Variants in NKAIN1 observed in about 807,000 individuals in gnomAD.
The protein encoded by NKAIN1 is sodium/potassium-transporting ATPase subunit beta-1-interacting protein 1.
Under a neutral mutation model 31.6 loss-of-function variants are expected in NKAIN1, and 13 were observed. The ratio of observed to expected loss-of-function variants is 0.41; its 90% CI spans 0.27 to 0.65. The LOEUF (loss-of-function observed/expected upper bound fraction) is 0.65. Among genes scored for constraint, NKAIN1 ranks in the 30% least tolerant of loss-of-function variants. The pLI, the probability that NKAIN1 is intolerant of heterozygous loss-of-function variation, is 0.30. For synonymous variants in NKAIN1, 104 were observed against 109.0 expected, an observed-to-expected ratio of 0.95 and a Z score of 0.28; for missense variants, 193 against 262.2, an observed-to-expected ratio of 0.74 and a Z score of 1.82.
rs180787751 is a variant in NKAIN1 at position 31,231,085 on chromosome 1, C to T, written c.54+8409G>A. 9.2e-3 allele frequency among the ~76,000 whole-genome samples: 1,404 copies of T among 151,798 alleles called. 9 individuals carry two copies. The highest frequency in any genetic ancestry group is 0.017 in the Non-Finnish European group (1,136 of 67,904). Reference sequence around the variant, plus strand: ...TTTTAGTACAAATGGGGTTTCACCACGTTGGCCAGGCTGGTCTCAAACTCC... The same window carrying T: ...TTTTAGTACAAATGGGGTTTCACCATGTTGGCCAGGCTGGTCTCAAACTCC... On this transcript the variant is annotated intron_variant, in intron 1 of 6. Coordinates refer to ENST00000373736, the MANE Select transcript of NKAIN1 (RefSeq NM_024522.3).
intron 2 of NKAIN1, among the ~76,000 whole-genome samples, chr1:31,186,467 G>A (rs1645245505): frequency 6.8e-6 from 1 of 147,520 alleles, no homozygotes; most frequent in Non-Finnish European, 1.5e-5. Context: ...TGGATGCTGG[G>A]AACTTTAGAC....
chr1:31,187,410 G>A (rs1266479758), intron 2 of NKAIN1, among the ~76,000 whole-genome samples: 1 of 152,102 alleles, frequency 6.6e-6, no homozygotes, highest in Non-Finnish European at 1.5e-5. Flanking sequence ...CCAGACTCCT[G>A]GGGCTGGAGT....
At chr1:31,221,038 G>A (rs1645560705) in intron 1 of NKAIN1, among the ~76,000 whole-genome samples, 2 of 152,200 alleles carry the variant, frequency 1.3e-5, no homozygotes, top group African/African-American at 4.8e-5. Flanking sequence ...CAGGGGACAA[G>A]TTGTCAGGGC....
intron 1 of NKAIN1, among the ~76,000 whole-genome samples, chr1:31,195,526 C>G (rs1570456199): frequency 6.6e-6 from 1 of 152,136 alleles, no homozygotes; most frequent in Admixed American, 6.5e-5. Flanking sequence ...CAGGAGCCCA[C>G]ACCATCCACA....
intron 1 of NKAIN1, among the ~76,000 whole-genome samples, chr1:31,199,422 C>T (rs1406768406): frequency 6.6e-6 from 1 of 152,188 alleles, no homozygotes; most frequent in East Asian, 1.9e-4. Flanking sequence ...ACCTCAGACC[C>T]CCCTTTTCCC....
chr1:31,226,124 C>A (rs927253577), intron 1 of NKAIN1, among the ~76,000 whole-genome samples: 12 of 152,222 alleles, frequency 7.9e-5, no homozygotes. Context: ...TGCCAACAAC[C>A]CTGCAAGGAA....
chr1:31,185,136 A>G (rs1645232760), intron 3 of NKAIN1, 111 bp downstream of exon 3: 1 of 812,312 alleles, frequency 1.2e-6, no homozygotes, highest in African/African-American at 1.7e-5. Context: ...ATGTAAGGAG[A>G]GAGAGACTTC....
Position 31,216,704 on chromosome 1 carries a change from T to C in NKAIN1, c.54+22790A>G, listed in dbSNP as rs6660281. 5.3e-4 allele frequency among the ~76,000 whole-genome samples: 23 copies of C among 43,250 alleles called. No homozygotes were observed. In the East Asian group the frequency reaches 0.01, roughly 19 times the overall value. The allele number at this position is 43,250 out of a possible 152,430, so 28.4% of individuals were successfully genotyped here. A position where few individuals can be genotyped will look rare whatever the true frequency, so the allele number is the denominator to read the frequency against. On this transcript the variant is annotated intron_variant, in intron 1 of 6. Coordinates refer to ENST00000373736, the MANE Select transcript of NKAIN1 (RefSeq NM_024522.3). ...GTGGCATTGACTTTTATTTATTTATTTATTTATTTATTTATTTATTTATTT... is the reference window on the plus strand; with the variant it reads ...GTGGCATTGACTTTTATTTATTTATCTATTTATTTATTTATTTATTTATTT...
intron 1 of NKAIN1, among the ~76,000 whole-genome samples, chr1:31,210,160 A>T (rs1335979479): frequency 6.6e-6 from 1 of 152,058 alleles, no homozygotes; most frequent in African/African-American, 2.4e-5. Context: ...TTAGTAATGC[A>T]TCTCTTAGGG....
At chr1:31,195,082 TC>T (rs1645314778) in intron 1 of NKAIN1, among the ~76,000 whole-genome samples, 1 of 146,408 alleles carries the variant, frequency 6.8e-6, no homozygotes, top group Non-Finnish European at 1.5e-5. Flanking sequence ...TTTCTTTTTT[TC>T]TTTCTTCTCT....
intron 1 of NKAIN1, among the ~76,000 whole-genome samples, chr1:31,235,133 C>T (rs1380891583): frequency 1.3e-5 from 2 of 152,080 alleles, no homozygotes; most frequent in Non-Finnish European, 2.9e-5. Flanking sequence ...CACAGGACTC[C>T]TGAAATGGGA....
intron 2 of NKAIN1, among the ~76,000 whole-genome samples, chr1:31,185,803 T>C (rs1415996040): frequency 6.6e-6 from 1 of 152,130 alleles, no homozygotes; most frequent in African/African-American, 2.4e-5. Flanking sequence ...CCCTAGGAGA[T>C]TGTGACTCAG....
chr1:31,218,051 T>TCTTTCTTTCTTC (rs1645529484), intron 1 of NKAIN1, among the ~76,000 whole-genome samples: 1 of 141,842 alleles, frequency 7.1e-6, no homozygotes, highest in Non-Finnish European at 1.5e-5. Context: ...TTTCTTTCTT[T>TCTTTCTTTCTTC]CTTTCTTTCT....
At chr1:31,199,135 G>C (rs1645356026) in intron 1 of NKAIN1, among the ~76,000 whole-genome samples, 1 of 152,230 alleles carries the variant, frequency 6.6e-6, no homozygotes, top group South Asian at 2.1e-4. Context: ...AGTTTCTGGA[G>C]AAAGCTTTGG....
chr1:31,204,576 AG>A (rs1645409227), intron 1 of NKAIN1, among the ~76,000 whole-genome samples: 1 of 152,176 alleles, frequency 6.6e-6, no homozygotes, highest in Non-Finnish European at 1.5e-5. Flanking sequence ...CACTTAAGAC[AG>A]GGGTGAAGGG....
At chr1:31,206,258 T>TAAATAAATAAATAAATAAATAAATAAATA (rs1645423243) in intron 1 of NKAIN1, among the ~76,000 whole-genome samples, 1 of 29,100 alleles carries the variant, frequency 3.4e-5, no homozygotes, top group South Asian at 9.1e-4. Flanking sequence ...ATAAATAAAA[T>TAAATAAATAAATAAATAAATAAATAAATA]AAAAATAAAT....
intron 1 of NKAIN1, among the ~76,000 whole-genome samples, chr1:31,219,425 G>A (rs909624885): frequency 2.6e-5 from 4 of 152,242 alleles, no homozygotes; most frequent in African/African-American, 4.8e-5. Flanking sequence ...GCCCCGGCAC[G>A]CCCTGACAGT....
intron 1 of NKAIN1, among the ~76,000 whole-genome samples, chr1:31,228,963 C>T (rs1250849296): frequency 1.3e-5 from 2 of 152,110 alleles, no homozygotes; most frequent in Non-Finnish European, 2.9e-5. Context: ...CCCTGCAGAG[C>T]CTCTGGAGGG....
At chr1:31,212,957 A>G (rs1645482066) in intron 1 of NKAIN1, among the ~76,000 whole-genome samples, 1 of 152,000 alleles carries the variant, frequency 6.6e-6, no homozygotes, top group Non-Finnish European at 1.5e-5. Flanking sequence ...AGATTGTGCC[A>G]CTGTACTCCA....
Sources: allele counts gnomAD v4.1 joint callset (sites outside exome capture counted in the v4.1 genomes callset), GRCh38; gene constraint gnomAD v4.1.1; transcripts MANE v1.5; gene names NCBI Gene and HGNC (gene_info 2026-07-23, HGNC 2026-07-21).